Variants in SMYD3 observed in about 807,000 individuals in gnomAD.
SMYD3 encodes the protein histone-lysine N-methyltransferase SMYD3.
Under a neutral mutation model 57.7 loss-of-function variants are expected in SMYD3, and 36 were observed. The observed-to-expected ratio is 0.62, with a 90% CI of 0.48 to 0.82. SMYD3 has a LOEUF of 0.82. SMYD3 is among the 40% of genes least tolerant of loss of function. The probability of loss-of-function intolerance (pLI) is 0.00; values close to 1 mark genes in which losing one functional copy is unlikely to be tolerated. For synonymous variants in SMYD3, 211 were observed against 195.0 expected, an observed-to-expected ratio of 1.08 and a Z score of -0.68; for missense variants, 515 against 538.8, an observed-to-expected ratio of 0.96 and a Z score of 0.44.
At chr1:246,239,194 C>T (rs190419849) in intron 5 of SMYD3, among the ~76,000 whole-genome samples, 1 of 152,208 alleles carries the variant, frequency 6.6e-6, no homozygotes, top group African/African-American at 2.4e-5. Flanking sequence ...GTGTGCTGCA[C>T]CCATTAACTC....
At chr1:246,506,978 G>GCCCCCCCCACCCCCCCCCCCCCCCCCCCC in intron 1 of SMYD3, 76 bp downstream of exon 1, 7 of 1,174,506 alleles carry the variant, frequency 6.0e-6, no homozygotes, top group African/African-American at 2.0e-5. Context: ...CGCGGCTGCC[G>GCCCCCCCCACCCCCCCCCCCCCCCCCCCC]GCCGCCCGAC....
chr1:246,449,973 A>G (rs2067607258), intron 1 of SMYD3, among the ~76,000 whole-genome samples: 1 of 152,132 alleles, frequency 6.6e-6, no homozygotes, highest in Non-Finnish European at 1.5e-5. Context: ...ACAGAAAATG[A>G]CCCAAACTAG....
chr1:245,817,015 C>A (rs556198505), intron 10 of SMYD3, among the ~76,000 whole-genome samples: 22 of 151,578 alleles, frequency 1.5e-4, no homozygotes, highest in African/African-American at 5.3e-4. Flanking sequence ...AACAAAGCAG[C>A]CGGGAAGCTC....
chr1:245,797,741 G>GTA (rs1468504974), intron 10 of SMYD3, among the ~76,000 whole-genome samples: 3 of 149,126 alleles, frequency 2.0e-5, no homozygotes, highest in African/African-American at 7.5e-5. Context: ...CCAACTCTAA[G>GTA]GAGATTTCAG....
chr1:246,116,201 GACACACACACACACACACACACAC>G (rs56722969), intron 5 of SMYD3, among the ~76,000 whole-genome samples: 19 of 146,024 alleles, frequency 1.3e-4, no homozygotes, highest in African/African-American at 4.0e-4. Context: ...CCCTGAGATG[GACACACACACACACACACACACAC>G]ACACACACAC....
At chr1:246,150,037 A>T (rs983011732) in intron 5 of SMYD3, among the ~76,000 whole-genome samples, 1 of 152,246 alleles carries the variant, frequency 6.6e-6, no homozygotes, top group Non-Finnish European at 1.5e-5. Context: ...AGAGAAAGAA[A>T]TTCTGTTTTT....
intron 5 of SMYD3, among the ~76,000 whole-genome samples, chr1:246,166,363 G>T (rs1382528575): frequency 6.6e-6 from 1 of 152,172 alleles, no homozygotes; most frequent in East Asian, 1.9e-4. Flanking sequence ...GCTCCAGCAT[G>T]CATGACTGAA....
intron 5 of SMYD3, among the ~76,000 whole-genome samples, chr1:246,294,073 C>T (rs1044651039): frequency 6.6e-5 from 10 of 152,146 alleles, no homozygotes; most frequent in African/African-American, 2.2e-4. Flanking sequence ...TTCTCTTTTT[C>T]AGCTTGCCCC....
chr1:246,004,491 A>G (rs1370748825), intron 5 of SMYD3, among the ~76,000 whole-genome samples: 1 of 152,220 alleles, frequency 6.6e-6, no homozygotes, highest in Admixed American at 6.5e-5. Flanking sequence ...TTTTTCTTAT[A>G]CTTCAAAGGA....
At chr1:246,346,678 C>T (rs2065724268) in intron 2 of SMYD3, among the ~76,000 whole-genome samples, 1 of 152,118 alleles carries the variant, frequency 6.6e-6, no homozygotes, top group African/African-American at 2.4e-5. Context: ...GGGGATACTG[C>T]CCCCACGATT....
chr1:246,441,316 T>TA (rs2067459470), intron 1 of SMYD3, among the ~76,000 whole-genome samples: 1 of 152,230 alleles, frequency 6.6e-6, no homozygotes, highest in Admixed American at 6.5e-5. Context: ...AGTAAATGCA[T>TA]AATTTGTAAC....
intron 5 of SMYD3, among the ~76,000 whole-genome samples, chr1:246,121,035 T>A (rs2061416647): frequency 6.6e-6 from 1 of 152,214 alleles, no homozygotes; most frequent in Non-Finnish European, 1.5e-5. Flanking sequence ...AAAACACATT[T>A]CTTGCTTTGA....
chr1:245,916,608 C>T (rs2055440405), intron 7 of SMYD3, among the ~76,000 whole-genome samples: 1 of 152,238 alleles, frequency 6.6e-6, no homozygotes, highest in East Asian at 1.9e-4. Context: ...GGAAATTCTG[C>T]GGGCTCCACC....
intron 5 of SMYD3, among the ~76,000 whole-genome samples, chr1:246,233,989 T>A (rs374511993): frequency 3.1e-5 from 4 of 130,714 alleles, no homozygotes; most frequent in African/African-American, 5.6e-5. Context: ...CAATTCACAC[T>A]GTGATGAACA....
At chr1:246,361,807 A>G (rs10924706) in intron 1 of SMYD3, among the ~76,000 whole-genome samples, 150,354 of 152,184 alleles carry the variant, frequency 0.99, 74,290 homozygotes, top group East Asian at 1. Context: ...AACGTTGGGA[A>G]GGGGTGAGGG....
chr1:246,048,862 A>G (rs567294007), intron 5 of SMYD3, among the ~76,000 whole-genome samples: 1 of 152,106 alleles, frequency 6.6e-6, no homozygotes, highest in African/African-American at 2.4e-5. Context: ...CTTTTTTGTC[A>G]AGATAACAGA....
intron 1 of SMYD3, among the ~76,000 whole-genome samples, chr1:246,477,405 T>C (rs777406342): frequency 6.6e-6 from 1 of 152,202 alleles, no homozygotes; most frequent in Non-Finnish European, 1.5e-5. Flanking sequence ...ACGACTATAT[T>C]CTAACACTGT....
intron 5 of SMYD3, among the ~76,000 whole-genome samples, chr1:246,052,029 G>A (rs1171471039): frequency 1.3e-5 from 2 of 152,150 alleles, no homozygotes; most frequent in East Asian, 1.9e-4. Flanking sequence ...GAGCTCTAAT[G>A]AAGTCCATAA....
chr1:245,776,408 A>C (rs1389749547), intron 10 of SMYD3, among the ~76,000 whole-genome samples: 2 of 152,222 alleles, frequency 1.3e-5, no homozygotes, highest in Admixed American at 6.5e-5. Context: ...AGAAAAGAGG[A>C]GAGTCATAAA....
Sources: allele counts gnomAD v4.1 joint callset (sites outside exome capture counted in the v4.1 genomes callset), GRCh38; gene constraint gnomAD v4.1.1; transcripts MANE v1.5; gene names NCBI Gene and HGNC (gene_info 2026-07-23, HGNC 2026-07-21).